CLIC5: variants seen among roughly 807,000 people sequenced by gnomAD.
CLIC5 encodes the protein CLIC family member 5, also known as chloride intracellular channel protein 5.
Under a neutral mutation model 24.7 loss-of-function variants are expected in CLIC5, and 20 were observed. That is an observed-to-expected ratio of 0.81 (90% CI 0.57 to 1.18). The LOEUF is 1.18. Among genes scored for constraint, CLIC5 ranks in the 50% most tolerant of loss-of-function variants. The pLI is 0.00. For missense variants in CLIC5, 341 were observed against 326.1 expected (o/e 1.05, Z -0.35); for synonymous variants, 159 against 135.6 (o/e 1.17, Z -1.20).
At chr6:45,978,125 T>A (rs1314179862) in intron 1 of CLIC5, among the ~76,000 whole-genome samples, 1 of 152,220 alleles carries the variant, frequency 6.6e-6, no homozygotes, top group Non-Finnish European at 1.5e-5. Flanking sequence ...GTGTGGTACT[T>A]AAAAAGTTGT....
At chr6:46,075,299 G>A (rs1190917263) in intron 1 of CLIC5, among the ~76,000 whole-genome samples, 1 of 152,080 alleles carries the variant, frequency 6.6e-6, no homozygotes, top group Non-Finnish European at 1.5e-5. Context: ...TGGGCACAGT[G>A]GCTTCTGCTT....
At chr6:46,097,626 A>G in the CLIC5 span, among the ~76,000 whole-genome samples, 1 of 152,354 alleles carries the variant, frequency 6.6e-6, no homozygotes, top group South Asian at 2.1e-4. Flanking sequence ...AGTGGCAACT[A>G]GAGTAGCTAA....
At chr6:46,072,051 A>G (rs115408158) in intron 1 of CLIC5, among the ~76,000 whole-genome samples, 27,349 of 151,940 alleles carry the variant, frequency 0.18, 2,670 homozygotes, top group South Asian at 0.3. Flanking sequence ...ACACAGACAA[A>G]TAGAGGGGAA....
Position 45,914,483 on chromosome 6 carries a change from G to GAGT in CLIC5, c.407-77_407-75dup, listed in dbSNP as rs145858899. The GAGT allele has an allele frequency of 7.3e-4, 1,020 of 1,402,828 alleles. 5 individuals carry two copies. In the African/African-American group the frequency reaches 9.7e-3, roughly 13 times the overall value. 86.9% of individuals were successfully genotyped at this position (1,402,828 alleles called of 1,614,324 possible). A position where few individuals can be genotyped will look rare whatever the true frequency, so the allele number is the denominator to read the frequency against. ...ATACAGTCATAGGGTCTTCAGAGTGGAGTAGCTCATCTAGAATCCTGTCCC... is the reference window on the plus strand; with the variant it reads ...ATACAGTCATAGGGTCTTCAGAGTGGAGTAGTAGCTCATCTAGAATCCTGTCCC... On this transcript the variant is annotated intron_variant, in intron 4 of 5. Coordinates refer to ENST00000339561, the MANE Select transcript of CLIC5 (RefSeq NM_016929.5).
At chr6:45,979,254 C>T (rs1272400854) in intron 1 of CLIC5, among the ~76,000 whole-genome samples, 1 of 152,186 alleles carries the variant, frequency 6.6e-6, no homozygotes, top group Non-Finnish European at 1.5e-5. Flanking sequence ...TAACTGAAGA[C>T]CAATCTTCAA....
the CLIC5 span, among the ~76,000 whole-genome samples, chr6:46,094,604 A>G: frequency 1.1e-3 from 175 of 152,336 alleles, 1 homozygote; most frequent in African/African-American, 3.9e-3. Context: ...TTCATTTCTC[A>G]CATCCAGGGA....
chr6:45,912,884 C>G, intron 5 of CLIC5: 1 of 645,334 alleles, frequency 1.5e-6, no homozygotes, highest in Non-Finnish European at 2.8e-6. Flanking sequence ...TGTATTTGCC[C>G]ACTCCATTTT....
At chr6:46,101,670 A>G in the CLIC5 span, among the ~76,000 whole-genome samples, 1 of 152,190 alleles carries the variant, frequency 6.6e-6, no homozygotes, top group Non-Finnish European at 1.5e-5. Context: ...AAGGTCAGGT[A>G]GAGAACTTAC....
At chr6:46,003,725 C>T (rs560917495) in intron 1 of CLIC5, among the ~76,000 whole-genome samples, 1 of 152,284 alleles carries the variant, frequency 6.6e-6, no homozygotes, top group South Asian at 2.1e-4. Context: ...ACAAGAATCA[C>T]CTGCAGCACT....
intron 3 of CLIC5, among the ~76,000 whole-genome samples, chr6:45,946,564 A>G (rs1463958106): frequency 2.0e-5 from 3 of 152,176 alleles, no homozygotes; most frequent in Admixed American, 6.5e-5. Context: ...AATGGTTATG[A>G]GGGTTTTGCT....
the CLIC5 span, among the ~76,000 whole-genome samples, chr6:46,119,033 A>G: frequency 1.3e-4 from 20 of 152,240 alleles, no homozygotes; most frequent in Admixed American, 1.3e-3. Flanking sequence ...TGAGGCCACA[A>G]GTCGAGGAAT....
chr6:45,917,610 A>G (rs1256854475), intron 4 of CLIC5, among the ~76,000 whole-genome samples: 1 of 152,200 alleles, frequency 6.6e-6, no homozygotes, highest in East Asian at 1.9e-4. Context: ...AGGCACACCC[A>G]TAGCAAAATA....
At chr6:45,958,441 T>TACACACACACACACACACACAC (rs1554151283) in intron 1 of CLIC5, among the ~76,000 whole-genome samples, 18 of 17,946 alleles carry the variant, frequency 1.0e-3, no homozygotes, top group African/African-American at 3.4e-3. Context: ...TATATATATA[T>TACACACACACACACACACACAC]ATATATATAT....
At chr6:45,896,487 T>G (rs1762394229), downstream of CLIC5, among the ~76,000 whole-genome samples, 3 of 152,346 alleles carry the variant, frequency 2.0e-5, no homozygotes, top group South Asian at 6.2e-4. Context: ...CAAATTCTCG[T>G]TTCTTTGTTT....
At chr6:46,078,507 T>C (rs1022191191) in intron 1 of CLIC5, among the ~76,000 whole-genome samples, 2 of 152,202 alleles carry the variant, frequency 1.3e-5, no homozygotes, top group African/African-American at 4.8e-5. Context: ...GCACTCCTTC[T>C]CTGAACACCC....
intron 6 of CLIC5, among the ~76,000 whole-genome samples, chr6:45,882,291 G>A (rs775456784): frequency 6.6e-6 from 1 of 152,216 alleles, no homozygotes; most frequent in South Asian, 2.1e-4. Context: ...AGCCACAATA[G>A]CATTCCTTCA....
At chr6:45,979,993 G>A (rs150971300) in intron 1 of CLIC5, among the ~76,000 whole-genome samples, 77 of 129,268 alleles carry the variant, frequency 6.0e-4, no homozygotes, top group African/African-American at 2.1e-3. Flanking sequence ...GTCTAGAATG[G>A]CATTTCCTAG....
chr6:45,955,027 G>A (rs147430710), intron 2 of CLIC5, 108 bp downstream of exon 2: 23 of 702,708 alleles, frequency 3.3e-5, no homozygotes, highest in East Asian at 2.3e-4. Flanking sequence ...GGACAATGAC[G>A]TGTGAGCAGG....
Position 46,050,449 on chromosome 6 carries a change from A to G in CLIC5, c.540+29254T>C, listed in dbSNP as rs1203495059. 2.6e-5 allele frequency among the ~76,000 whole-genome samples: 4 copies of G among 152,352 alleles called. No homozygotes were observed. The East Asian group carries it at 7.7e-4, about 29-fold the overall frequency. On this transcript the variant is annotated intron_variant, in intron 1 of 5. Transcript: ENST00000185206. ...TAAACTTGGCATCCTGAGATGTTCA[A>G]CCACATCATTTCATTATTACTGCTA...
Sources: allele counts gnomAD v4.1 joint callset (sites outside exome capture counted in the v4.1 genomes callset), GRCh38; gene constraint gnomAD v4.1.1; transcripts MANE v1.5; gene names NCBI Gene and HGNC (gene_info 2026-07-23, HGNC 2026-07-21).